Variants in EBF1 observed in about 807,000 individuals in gnomAD.
EBF1 encodes the protein EBF transcription factor 1.
Under a neutral mutation model 68.4 loss-of-function variants are expected in EBF1, and 10 were observed. The ratio of observed to expected loss-of-function variants is 0.15; its 90% CI spans 0.09 to 0.25. EBF1 has a LOEUF of 0.25. Among genes scored for constraint, EBF1 ranks in the 10% least tolerant of loss-of-function variants. The pLI, the probability that EBF1 is intolerant of heterozygous loss-of-function variation, is 1.00. For synonymous variants in EBF1, 298 were observed against 299.8 expected (o/e 0.99, Z 0.06); for missense variants, 509 against 794.4 (o/e 0.64, Z 4.32).
intron 10 of EBF1, among the ~76,000 whole-genome samples, chr5:158,773,084 G>A (rs1774226912): frequency 6.6e-6 from 1 of 152,016 alleles, no homozygotes; most frequent in Non-Finnish European, 1.5e-5. Flanking sequence ...TAGGAGGGAG[G>A]GAGGAAAGGA....
In EBF1 at chr5:158,961,521, G is replaced by A. The variant is rs193140749; in HGVS notation, c.554+111875C>T. On this transcript the variant is annotated intron_variant, in intron 6 of 15. Coordinates refer to ENST00000313708, the MANE Select transcript of EBF1 (RefSeq NM_024007.5). ...ATAATATTCACAATAAAAGAAAAAA[G>A]CAAGTCACAAAACAGCATAATCCAA... is the stretch of plus-strand genomic sequence containing the variant. 6.4e-3 allele frequency among the ~76,000 whole-genome samples: 969 copies of A among 152,074 alleles called. 2 individuals carry two copies. The highest frequency in any genetic ancestry group is 0.014 in the Admixed American group (208 of 15,268).
At chr5:158,892,401 A>C (rs1314801889) in intron 6 of EBF1, among the ~76,000 whole-genome samples, 1 of 152,146 alleles carries the variant, frequency 6.6e-6, no homozygotes, top group East Asian at 1.9e-4. Flanking sequence ...AGGGAGGAGA[A>C]TTGCTTGAAC....
chr5:159,021,679 G>A (rs1057164436), intron 6 of EBF1, among the ~76,000 whole-genome samples: 1 of 152,146 alleles, frequency 6.6e-6, no homozygotes, highest in Non-Finnish European at 1.5e-5. Context: ...TCTTTTTGTC[G>A]GATGTTATTT....
Position 158,954,679 on chromosome 5 carries a change from C to T in EBF1, c.555-114569G>A, listed in dbSNP as rs530090685. On this transcript the variant is annotated intron_variant, in intron 6 of 15. Coordinates refer to ENST00000313708, the MANE Select transcript of EBF1 (RefSeq NM_024007.5). ...GTTACCAATGCGGTCAGTAGCGTGG[C>T]CCTGTGGCCTCCCTGACCTCAGATG... 4.6e-5 allele frequency among the ~76,000 whole-genome samples: 7 copies of T among 152,296 alleles called. No homozygotes were observed. In the East Asian group the frequency reaches 9.7e-4, roughly 21 times the overall value.
intron 10 of EBF1, among the ~76,000 whole-genome samples, chr5:158,773,799 T>C (rs1423598956): frequency 6.6e-6 from 1 of 152,030 alleles, no homozygotes; most frequent in African/African-American, 2.4e-5. Flanking sequence ...GAGATCACGA[T>C]TCGAAAAGAT....
chr5:158,773,968 A>C lies in EBF1; in HGVS notation c.1036+3445T>G, dbSNP rs190676233. On this transcript the variant is annotated intron_variant, in intron 10 of 15. Transcript: ENST00000313708. ...GGGCTTTGAAATCAATCCTGTGATT[A>C]GATAGTGTTTTTGTTTCCTTCTCTT... 1.1e-3 allele frequency among the ~76,000 whole-genome samples: 163 copies of C among 152,310 alleles called. 1 individual carries two copies. The highest frequency in any genetic ancestry group is 3.8e-3 in the Admixed American group (58 of 15,290).
chr5:159,051,360 A>T (rs1420670723), intron 6 of EBF1, among the ~76,000 whole-genome samples: 1 of 37,996 alleles, frequency 2.6e-5, no homozygotes, highest in Non-Finnish European at 4.9e-5. Context: ...CAGCCCCCCA[A>T]ACAAATCCCC....
intron 10 of EBF1, among the ~76,000 whole-genome samples, chr5:158,742,958 C>G (rs1480122581): frequency 6.6e-6 from 1 of 152,072 alleles, no homozygotes; most frequent in Non-Finnish European, 1.5e-5. Context: ...ATACAAGGCC[C>G]CATGCTTAAG....
chr5:159,008,684 C>T (rs952523241), intron 6 of EBF1, among the ~76,000 whole-genome samples: 5 of 151,946 alleles, frequency 3.3e-5, no homozygotes, highest in East Asian at 1.9e-4. Flanking sequence ...CACCACCACG[C>T]CCGGCTAATT....
intron 4 of EBF1, among the ~76,000 whole-genome samples, chr5:159,087,836 G>A (rs1405137910): frequency 6.6e-6 from 1 of 152,088 alleles, no homozygotes; most frequent in Non-Finnish European, 1.5e-5. Flanking sequence ...TCCAAATCAA[G>A]CACAGAAAAA....
chr5:158,764,634 T>C (rs578211626), intron 10 of EBF1, among the ~76,000 whole-genome samples: 1 of 152,300 alleles, frequency 6.6e-6, no homozygotes, highest in African/African-American at 2.4e-5. Flanking sequence ...TTGTATCAGC[T>C]GGTGATAGCG....
At chr5:158,974,492 C>T (rs1459287235) in intron 6 of EBF1, among the ~76,000 whole-genome samples, 1 of 151,982 alleles carries the variant, frequency 6.6e-6, no homozygotes, top group Non-Finnish European at 1.5e-5. Flanking sequence ...GAAAAAAATC[C>T]TCATTGGAAA....
intron 6 of EBF1, among the ~76,000 whole-genome samples, chr5:158,900,152 C>G (rs972710877): frequency 1.3e-5 from 2 of 152,134 alleles, no homozygotes; most frequent in Non-Finnish European, 2.9e-5. Flanking sequence ...CATTTTGAAC[C>G]AGAAGAATTG....
intron 10 of EBF1, among the ~76,000 whole-genome samples, chr5:158,733,461 C>T (rs756479770): frequency 2.6e-5 from 4 of 151,986 alleles, no homozygotes; most frequent in South Asian, 2.1e-4. Context: ...GATGTTTCTC[C>T]GGCTATATGG....
intron 6 of EBF1, among the ~76,000 whole-genome samples, chr5:158,950,018 T>C (rs992866780): frequency 6.6e-6 from 1 of 152,228 alleles, no homozygotes; most frequent in Admixed American, 6.5e-5. Context: ...TTCCCAGTGG[T>C]GTACAGTGGT....
At chr5:158,879,326 C>T (rs1798398851) in intron 6 of EBF1, among the ~76,000 whole-genome samples, 1 of 152,130 alleles carries the variant, frequency 6.6e-6, no homozygotes, top group Non-Finnish European at 1.5e-5. Flanking sequence ...CACATACGCT[C>T]AAGGAAGAGA....
chr5:158,964,377 C>T (rs995822166), intron 6 of EBF1, among the ~76,000 whole-genome samples: 9 of 152,160 alleles, frequency 5.9e-5, no homozygotes, highest in Non-Finnish European at 1.2e-4. Context: ...TCAGAAAGAT[C>T]ATTCTAGCTG....
chr5:158,849,972 C>T (rs141844263), intron 6 of EBF1, among the ~76,000 whole-genome samples: 2 of 152,238 alleles, frequency 1.3e-5, no homozygotes, highest in African/African-American at 4.8e-5. Context: ...CTATCCATCT[C>T]ACACTCTGTA....
chr5:158,827,326 A>G (rs1402239223), intron 7 of EBF1, among the ~76,000 whole-genome samples: 3 of 152,146 alleles, frequency 2.0e-5, no homozygotes, highest in African/African-American at 7.2e-5. Flanking sequence ...AATTTTAAAG[A>G]CCTTTGTGCT....
Sources: allele counts gnomAD v4.1 joint callset (sites outside exome capture counted in the v4.1 genomes callset), GRCh38; gene constraint gnomAD v4.1.1; transcripts MANE v1.5; gene names NCBI Gene and HGNC (gene_info 2026-07-23, HGNC 2026-07-21).